The following HERC3 variants were observed in gnomAD, a reference collection of about 807,000 sequenced individuals.
HERC3 encodes probable E3 ubiquitin-protein ligase HERC3.
Under a neutral mutation model 129.9 loss-of-function variants are expected in HERC3, and 58 were observed. The observed-to-expected ratio is 0.45, with a 90% confidence interval of 0.36 to 0.56. HERC3 has a LOEUF of 0.56. Ranked by LOEUF, HERC3 falls within the 20% of genes least tolerant of loss-of-function variation. HERC3 has a pLI of 0.00. For synonymous variants in HERC3, 430 were observed against 451.0 expected, an observed-to-expected ratio of 0.95 and a Z score of 0.59; for missense variants, 835 against 1,244.2, an observed-to-expected ratio of 0.67 and a Z score of 4.95.
chr4:88,622,790 G>A (rs748948709), intron 3 of HERC3, among the ~76,000 whole-genome samples: 12 of 152,076 alleles, frequency 7.9e-5, no homozygotes, highest in Non-Finnish European at 1.5e-4. Flanking sequence ...TTAGCTGGGT[G>A]TGGTGGTGTG....
the HERC3 span, among the ~76,000 whole-genome samples, chr4:88,579,130 C>T: frequency 6.6e-6 from 1 of 151,782 alleles, no homozygotes; most frequent in Non-Finnish European, 1.5e-5. Flanking sequence ...TGCCTATAAT[C>T]CCAGCACTTT....
chr4:88,562,541 T>C, the HERC3 span, among the ~76,000 whole-genome samples: 4 of 152,320 alleles, frequency 2.6e-5, no homozygotes, highest in Admixed American at 2.6e-4. Flanking sequence ...TTTAATTGCC[T>C]GTGCTTTGGG....
At position 88,697,791 on chromosome 4, in the gene HERC3, C is replaced by T. The variant is rs1286422961; in HGVS notation, c.2658-6307C>T. On this transcript the variant is annotated intron_variant, in intron 23 of 25. Coordinates refer to ENST00000402738, the MANE Select transcript of HERC3 (RefSeq NM_014606.3). ...AGCCGCAGAGGTCTAGGAGGGCTCC[C>T]GCAGAGGCCCTGCACCCGAGCTGGT... The T allele has an allele frequency of 3.9e-6, 6 of 1,548,178 alleles. No homozygotes were observed. In the Admixed American group the frequency reaches 5.9e-5, roughly 15 times the overall value.
intron 19 of HERC3, among the ~76,000 whole-genome samples, chr4:88,679,593 C>T (rs758207167): frequency 2.0e-5 from 3 of 150,338 alleles, no homozygotes; most frequent in Non-Finnish European, 4.4e-5. Flanking sequence ...GATCTCGGCT[C>T]ACTGCAACCT....
At chr4:88,693,554 A>G (rs1734286993) in intron 23 of HERC3, 1 of 950,850 alleles carries the variant, frequency 1.1e-6, no homozygotes, top group African/African-American at 1.8e-5. Flanking sequence ...ATTAACTAGA[A>G]GGTGGTGGTT....
chr4:88,593,798 T>C (rs2149164926), intron 1 of HERC3, among the ~76,000 whole-genome samples: 1 of 152,250 alleles, frequency 6.6e-6, no homozygotes, highest in South Asian at 2.1e-4. Flanking sequence ...AATGAAAAAA[T>C]AAAAAGTTTT....
At chr4:88,545,205 C>G in the HERC3 span, among the ~76,000 whole-genome samples, 2 of 152,052 alleles carry the variant, frequency 1.3e-5, no homozygotes, top group East Asian at 3.9e-4. Context: ...ACATTACATG[C>G]CTGCATCAAA....
At chr4:88,663,040 T>C (rs1434250713) in intron 11 of HERC3, among the ~76,000 whole-genome samples, 1 of 152,178 alleles carries the variant, frequency 6.6e-6, no homozygotes, top group African/African-American at 2.4e-5. Context: ...TGAGAGCTTT[T>C]ATCAAATTTA....
chr4:88,551,255 A>G, the HERC3 span, among the ~76,000 whole-genome samples: 1 of 152,162 alleles, frequency 6.6e-6, no homozygotes, highest in South Asian at 2.1e-4. Flanking sequence ...ACCAAAAGCA[A>G]TGGCAACAAA....
At chr4:88,539,662 G>A in the HERC3 span, among the ~76,000 whole-genome samples, 3 of 152,170 alleles carry the variant, frequency 2.0e-5, no homozygotes, top group Non-Finnish European at 2.9e-5. Flanking sequence ...CTCCCAGTAG[G>A]GGGCGACAGA....
the HERC3 span, among the ~76,000 whole-genome samples, chr4:88,546,956 G>A: frequency 6.6e-6 from 1 of 152,096 alleles, no homozygotes; most frequent in Non-Finnish European, 1.5e-5. Context: ...CTAGGCTAGG[G>A]TGATTTTAAA....
intron 20 of HERC3, chr4:88,680,956 G>A (rs963466686): frequency 3.1e-6 from 3 of 953,032 alleles, no homozygotes; most frequent in Non-Finnish European, 3.7e-6. Flanking sequence ...TGTATCACTA[G>A]GTACAAATGC....
the HERC3 span, among the ~76,000 whole-genome samples, chr4:88,542,540 C>T: frequency 6.6e-6 from 1 of 152,166 alleles, no homozygotes; most frequent in African/African-American, 2.4e-5. Context: ...CCTTCTGAAA[C>T]TATTCCAATC....
chr4:88,673,950 T>C (rs1355988029), intron 16 of HERC3, among the ~76,000 whole-genome samples: 3 of 152,176 alleles, frequency 2.0e-5, no homozygotes, highest in African/African-American at 7.2e-5. Flanking sequence ...ACCTGAGACT[T>C]CTCTAGACCA....
intron 3 of HERC3, among the ~76,000 whole-genome samples, chr4:88,621,701 A>G (rs1351316562): frequency 1.3e-5 from 2 of 152,214 alleles, no homozygotes; most frequent in Admixed American, 6.5e-5. Context: ...TTCTGCCTGC[A>G]TTACTGCAGC....
At chr4:88,621,289 T>C (rs1725493151) in intron 3 of HERC3, among the ~76,000 whole-genome samples, 1 of 152,106 alleles carries the variant, frequency 6.6e-6, no homozygotes, top group Non-Finnish European at 1.5e-5. Context: ...GTACTTTTAG[T>C]AGAGACAGGG....
chr4:88,533,318 A>G, the HERC3 span, among the ~76,000 whole-genome samples: 4 of 152,212 alleles, frequency 2.6e-5, no homozygotes, highest in East Asian at 5.8e-4. Context: ...TGCGTCTCCC[A>G]GTCCACTGAC....
intron 3 of HERC3, among the ~76,000 whole-genome samples, chr4:88,634,813 C>T (rs554077320): frequency 6.6e-6 from 1 of 152,164 alleles, no homozygotes; most frequent in East Asian, 1.9e-4. Flanking sequence ...CACCCATCTC[C>T]ACTCTTCTCC....
chr4:88,687,436 A>T (rs1483748134), intron 23 of HERC3, 137 bp downstream of exon 23: 2 of 408,116 alleles, frequency 4.9e-6, no homozygotes, highest in Non-Finnish European at 8.8e-6. Context: ...TAGGGCAATA[A>T]TTTACAGATT....
Sources: gnomAD v4.1 joint callset for allele counts (sites outside exome capture counted in the v4.1 genomes callset) on GRCh38, gnomAD v4.1.1 for gene constraint, MANE v1.5 for transcripts, NCBI Gene and HGNC (gene_info 2026-07-23, HGNC 2026-07-21) for gene names.